Variants in MAMDC2 observed in about 807,000 individuals in gnomAD.
MAMDC2 encodes the protein MAM domain containing 2.
Under a neutral mutation model 89.8 loss-of-function variants are expected in MAMDC2, and 57 were observed. The observed-to-expected ratio is 0.63, with a 90% CI of 0.51 to 0.79. The LOEUF (loss-of-function observed/expected upper bound fraction) is 0.79. Among genes scored for constraint, MAMDC2 ranks in the 30% least tolerant of loss-of-function variants. The pLI is 0.00. For missense variants in MAMDC2, 800 were observed against 820.6 expected (o/e 0.97, Z 0.31); for synonymous variants, 313 against 293.4 (o/e 1.07, Z -0.68).
At chr9:70,187,306 TG>T (rs1383404424) in intron 11 of MAMDC2, among the ~76,000 whole-genome samples, 2 of 152,110 alleles carry the variant, frequency 1.3e-5, no homozygotes, top group Admixed American at 6.6e-5. Flanking sequence ...TTCTTTAGTT[TG>T]GGTATTTTCT....
At chr9:70,151,393 G>A (rs1450472829) in intron 9 of MAMDC2, among the ~76,000 whole-genome samples, 5 of 152,228 alleles carry the variant, frequency 3.3e-5, no homozygotes, top group Non-Finnish European at 2.9e-5. Context: ...TGAGGACAGG[G>A]ACCTTGTCGG....
chr9:70,193,285 ATTTCT>A (rs773448383), intron 11 of MAMDC2, among the ~76,000 whole-genome samples: 4 of 152,220 alleles, frequency 2.6e-5, no homozygotes, highest in Non-Finnish European at 5.9e-5. Context: ...TGTCACTGAA[ATTTCT>A]TTTCCATGGA....
intron 9 of MAMDC2, among the ~76,000 whole-genome samples, chr9:70,165,852 C>T (rs1396730244): frequency 6.6e-6 from 1 of 152,130 alleles, no homozygotes; most frequent in East Asian, 1.9e-4. Context: ...TACCTAGTGG[C>T]TATCATAATA....
intron 5 of MAMDC2, among the ~76,000 whole-genome samples, chr9:70,118,160 G>A (rs1326187103): frequency 6.7e-6 from 1 of 149,598 alleles, no homozygotes; most frequent in African/African-American, 2.6e-5. Flanking sequence ...GAACCCCTGA[G>A]TTCCAGGCTA....
intron 11 of MAMDC2, among the ~76,000 whole-genome samples, chr9:70,200,129 G>C (rs2033069477): frequency 6.6e-6 from 1 of 151,992 alleles, no homozygotes; most frequent in East Asian, 1.9e-4. Flanking sequence ...CCTTGCCCAT[G>C]CCTATGTCCT....
intron 11 of MAMDC2, among the ~76,000 whole-genome samples, chr9:70,204,165 T>G (rs1215385838): frequency 6.7e-6 from 1 of 150,352 alleles, no homozygotes; most frequent in Non-Finnish European, 1.5e-5. Flanking sequence ...TTCTGTTCTG[T>G]TTTTTCCCCA....
At chr9:70,183,356 TATTAG>T (rs1184947372) in intron 11 of MAMDC2, among the ~76,000 whole-genome samples, 1 of 152,228 alleles carries the variant, frequency 6.6e-6, no homozygotes, top group Non-Finnish European at 1.5e-5. Context: ...TGTAGATATC[TATTAG>T]GTCCGCTTGG....
chr9:70,095,362 G>A (rs925141072), intron 2 of MAMDC2, among the ~76,000 whole-genome samples: 1 of 152,180 alleles, frequency 6.6e-6, no homozygotes, highest in Non-Finnish European at 1.5e-5. Flanking sequence ...CGTATCAGAA[G>A]GGCATTGGAA....
At chr9:70,128,682 G>C (rs890476715) in intron 6 of MAMDC2, among the ~76,000 whole-genome samples, 1 of 151,972 alleles carries the variant, frequency 6.6e-6, no homozygotes, top group African/African-American at 2.4e-5. Flanking sequence ...TTTGAAACAG[G>C]GTCTCACTCT....
In MAMDC2 at chr9:70,170,510, T is replaced by G. The variant is rs758548308; in HGVS notation, c.1530T>G (p.Thr510=). 49 of 1,612,168 alleles carry G rather than the reference T, an allele frequency of 3.0e-5. No individual in the cohort carries two copies. The highest frequency in any genetic ancestry group is 4.0e-5 in the Non-Finnish European group (47 of 1,179,618). Residue 510 remains threonine, a synonymous_variant, in exon 11 of 14, where the codon ACT becomes ACG. Transcript: ENST00000377182. Reference sequence around the variant, plus strand: ...TTCCACCTCCACCTGGAGAGTGTACTTTCGAGCAAGATGAATGTACATTTA... The same window carrying G: ...TTCCACCTCCACCTGGAGAGTGTACGTTCGAGCAAGATGAATGTACATTTA... ...EKLPPPPGEC[T]FEQDECTFTQ...
chr9:70,050,431 G>A (rs539904416), intron 2 of MAMDC2, among the ~76,000 whole-genome samples: 1 of 152,328 alleles, frequency 6.6e-6, no homozygotes, highest in African/African-American at 2.4e-5. Context: ...GGAGCTGGGT[G>A]ACTTGGATTA....
rs557044826 is a variant in MAMDC2 at position 70,217,720 on chromosome 9, C to T, written c.1652-617C>T. The T allele has an allele frequency of 3.8e-6, 5 of 1,324,610 alleles. No homozygotes were observed. In the African/African-American group the frequency reaches 5.9e-5, roughly 16 times the overall value. 82.1% of individuals were successfully genotyped at this position (1,324,610 alleles called of 1,614,324 possible). A position where few individuals can be genotyped will look rare whatever the true frequency, so the allele number is the denominator to read the frequency against. ...GATTGGATTATATTTAAAAAAATTA[C>T]AGAGTATGTTTTCAAAACTAAAAAA... On this transcript the variant is annotated intron_variant, in intron 11 of 13. Coordinates refer to ENST00000377182, the MANE Select transcript of MAMDC2 (RefSeq NM_153267.5).
chr9:70,068,915 T>C (rs1281622131), intron 2 of MAMDC2, among the ~76,000 whole-genome samples: 3 of 152,116 alleles, frequency 2.0e-5, no homozygotes, highest in Non-Finnish European at 4.4e-5. Context: ...CTGTAATGAA[T>C]GGGTATGATT....
intron 2 of MAMDC2, among the ~76,000 whole-genome samples, chr9:70,097,284 G>C (rs148879775): frequency 2.6e-4 from 39 of 152,262 alleles, no homozygotes; most frequent in African/African-American, 8.2e-4. Flanking sequence ...TGTGAGAGGA[G>C]CAAATTTTTT....
At chr9:70,215,264 T>G (rs74429849) in intron 11 of MAMDC2, among the ~76,000 whole-genome samples, 25 of 151,634 alleles carry the variant, frequency 1.6e-4, no homozygotes, top group Middle Eastern at 6.8e-3. Flanking sequence ...ATGTCCAATG[T>G]TACAAAAATG....
At chr9:70,163,695 TG>T (rs1354941997) in intron 9 of MAMDC2, among the ~76,000 whole-genome samples, 1 of 152,048 alleles carries the variant, frequency 6.6e-6, no homozygotes, top group African/African-American at 2.4e-5. Flanking sequence ...TGACTTATCC[TG>T]TAATCTCAGC....
At chr9:70,070,310 GACTTTTTAGCTCC>G in intron 2 of MAMDC2, among the ~76,000 whole-genome samples, 1 of 152,314 alleles carries the variant, frequency 6.6e-6, no homozygotes, top group South Asian at 2.1e-4. Flanking sequence ...TGGCCTTATA[GACTTTTTAGCTCC>G]ACTGCTAAGA....
intron 11 of MAMDC2, among the ~76,000 whole-genome samples, chr9:70,205,501 G>C (rs989703480): frequency 2.6e-5 from 4 of 152,118 alleles, no homozygotes; most frequent in African/African-American, 7.2e-5. Flanking sequence ...GCCTCTCCAT[G>C]CAGGCCACTC....
intron 11 of MAMDC2, among the ~76,000 whole-genome samples, chr9:70,215,977 T>A (rs926672004): frequency 6.6e-6 from 1 of 152,200 alleles, no homozygotes; most frequent in South Asian, 2.1e-4. Flanking sequence ...TAGAGGGGAC[T>A]TCTAACCAAT....
Sources: gnomAD v4.1 joint callset for allele counts (sites outside exome capture counted in the v4.1 genomes callset) on GRCh38, gnomAD v4.1.1 for gene constraint, MANE v1.5 for transcripts, NCBI Gene and HGNC (gene_info 2026-07-23, HGNC 2026-07-21) for gene names.